The following AHNAK2 variants were observed in gnomAD, a reference collection of about 807,000 sequenced individuals.
The protein encoded by AHNAK2 is AHNAK nucleoprotein 2.
A neutral mutation model predicts 30.7 loss-of-function variants in AHNAK2; 18 were observed. The observed-to-expected ratio is 0.59, with a 90% CI of 0.41 to 0.87. AHNAK2 has a LOEUF of 0.87. AHNAK2 is among the 40% of genes least tolerant of loss of function. The pLI is 0.00. For missense variants in AHNAK2, 8,604 were observed against 7,373.0 expected (o/e 1.17, Z -6.11); for synonymous variants, 3,590 against 3,073.8 (o/e 1.17, Z -5.56).
chr14:104,946,968 G>A lies in AHNAK2; in HGVS notation c.8483C>T (p.Pro2828Leu), dbSNP rs371930751. The A allele has an allele frequency of 5.6e-6, 9 of 1,612,632 alleles. No individual in the cohort carries two copies. The highest frequency in any genetic ancestry group is 5.5e-5 in the South Asian group (5 of 91,012). ...FKMPSFGVSA[P>L]GKSIEASVDV... The stretch of plus-strand genomic sequence containing the variant: ...CACCGAGGCCTCGATGGACTTGCCT[G>A]GGGCCGACACCCCGAATGACGGCAT... The change falls in exon 7 of 7, where the codon CCA becomes CTA. Residue 2828 changes from proline to leucine, a missense_variant. Coordinates refer to ENST00000333244, the MANE Select transcript of AHNAK2 (RefSeq NM_138420.4).
At position 104,966,323 on chromosome 14, in the gene AHNAK2, C is replaced by A. The variant is rs928495744; in HGVS notation, c.56-8651G>T. ...ACCTCCGTTTCCCCCACCTGCCAAA[C>A]CAGCCTTGCCCACGGTGTCAGCCCA... is the stretch of plus-strand genomic sequence containing the variant. On this transcript the variant is annotated intron_variant, in intron 1 of 6. Coordinates refer to ENST00000333244, the MANE Select transcript of AHNAK2 (RefSeq NM_138420.4). This position sits in a 1 kb window ranked among gnomAD's most constrained non-coding sequence, Gnocchi z 4.3. Among the ~76,000 whole-genome samples, 8 of 152,104 alleles carry A rather than the reference C, an allele frequency of 5.3e-5. No individual in the cohort carries two copies. Among genetic ancestry groups the A allele is most frequent in the African/African-American group, 9.7e-5 (4 of 41,412 alleles).
chr14:104,956,596 G>A lies in AHNAK2; in HGVS notation c.307C>T (p.Arg103Cys), dbSNP rs1566922141. The A allele has an allele frequency of 1.9e-6, 3 of 1,613,810 alleles. No homozygotes were observed. The highest frequency in any genetic ancestry group is 1.7e-6 in the Non-Finnish European group (2 of 1,179,842). ...GDSRTFFRMS[R>C]PEAVQEATEV... The stretch of plus-strand genomic sequence containing the variant: ...GCTCCTGCTGTACCCACCTCTGGAC[G>A]ACTCATCCTGAAAAATGTCCGTGAG... Residue 103 changes from arginine (R) to cysteine (C), a missense_variant, in exon 4 of 7, where the codon CGT becomes TGT. Coordinates refer to ENST00000333244, the MANE Select transcript of AHNAK2 (RefSeq NM_138420.4).
Position 104,947,010 on chromosome 14 carries a change from T to C in AHNAK2, c.8441A>G (p.Lys2814Arg). The change falls in exon 7 of 7, where the codon AAA becomes AGA. Residue 2814 changes from lysine to arginine, a missense_variant. By Grantham distance (26) the Lys-to-Arg change is conservative. Coordinates refer to ENST00000333244, the MANE Select transcript of AHNAK2 (RefSeq NM_138420.4). ...TGACGGCATCTTGAACTTGGGCATT[T>C]TGAACTTGCTGTCTTTGGCTGTCAT... is the stretch of plus-strand genomic sequence containing the variant. Reference protein sequence around the residue: ...KGMTAKDSKFKMPKFKMPSFG... With the variant: ...KGMTAKDSKFRMPKFKMPSFG... The C allele has an allele frequency of 2.5e-6, 4 of 1,612,138 alleles. No individual in the cohort carries two copies. Among genetic ancestry groups the C allele is most frequent in the African/African-American group, 2.7e-5 (2 of 74,162 alleles).
chr14:104,950,311 C>G lies in AHNAK2; in HGVS notation c.5140G>C (p.Asp1714His), dbSNP rs550305346. The change falls in exon 7 of 7, where the codon GAC becomes CAC. Residue 1714 changes from aspartate to histidine, a missense_variant. Physicochemically the swap from Asp to His is moderately conservative, Grantham distance 81 (BLOSUM62 -1). Coordinates refer to ENST00000333244, the MANE Select transcript of AHNAK2 (RefSeq NM_138420.4). Reference protein sequence around the residue: ...TDLSIQSPSADLEVQAGQVNV... With the variant: ...TDLSIQSPSAHLEVQAGQVNV... ...ACTTGGCCAGCCTGGACCTCCAGGT[C>G]GGCGGAAGGGGACTGAATGCTGAGG... The G allele has an allele frequency of 2.2e-5, 35 of 1,585,018 alleles. 2 individuals carry two copies. In the Middle Eastern group the frequency reaches 5.0e-4, roughly 23 times the overall value.
At chr14:104,959,107 C>T (rs998881412) in intron 1 of AHNAK2, among the ~76,000 whole-genome samples, 2 of 152,024 alleles carry the variant, frequency 1.3e-5, no homozygotes, top group African/African-American at 2.4e-5. Context: ...GGCTGAAGTG[C>T]GAGGATTGCT....
Position 104,941,663 on chromosome 14 carries a change from C to T in AHNAK2, c.13788G>A (p.Thr4596=), listed in dbSNP as rs141304169. 1.8e-4 allele frequency: 298 copies of T among 1,613,660 alleles called. 1 individual carries two copies. The African/African-American group carries it at 3.3e-3, about 18-fold the overall frequency. The change falls in exon 7 of 7, where the codon ACG becomes ACA. Residue 4596 remains threonine (T), a synonymous_variant. Transcript: ENST00000333244. ...DVEVSLPSVE[T]DVQAPGSMLD... ...GCATGGATCCTGGGGCCTGGACATC[C>T]GTCTCCACGCTGGGCAGAGACACCT...
chr14:104,968,721 C>T (rs1406914966), intron 1 of AHNAK2, among the ~76,000 whole-genome samples: 4 of 152,198 alleles, frequency 2.6e-5, no homozygotes, highest in African/African-American at 7.2e-5. Context: ...CTCCAGTGGC[C>T]GGAAAAGTCC....
chr14:104,938,226 G>A lies in AHNAK2; in HGVS notation c.17225C>T (p.Pro5742Leu), dbSNP rs1393428810. The A allele has an allele frequency of 6.2e-7, 1 of 1,613,852 alleles. No homozygotes were observed. The change falls in exon 7 of 7, where the codon CCT becomes CTT. Residue 5742 changes from proline (P) to leucine (L), a missense_variant. Physicochemically the swap from Pro to Leu is moderately conservative, Grantham distance 98 (BLOSUM62 -3). Coordinates refer to ENST00000333244, the MANE Select transcript of AHNAK2 (RefSeq NM_138420.4). ...TFFDARESFS[P>L]EEKEEGELIG... ...CAGTTCACCCTCTTCCTTCTCTTCA[G>A]GGGAGAAACTTTCTCGGGCATCAAA...
rs1270151201 is a variant in AHNAK2, at chr14:104,943,233, A to G, written c.12218T>C (p.Val4073Ala). Residue 4073 changes from valine to alanine, a missense_variant, in exon 7 of 7, where the codon GTT (valine) becomes GCT (alanine). Transcript: ENST00000333244. ...TTTCAGGTCCAGCTTGGGGCCCTTA[A>G]CATCTATCTGGGGGCCCTTGAGGTC... is the stretch of plus-strand genomic sequence containing the variant. Reference protein sequence around the residue: ...KVDLKGPQIDVKGPKLDLKGP... With the variant: ...KVDLKGPQIDAKGPKLDLKGP... The G allele has an allele frequency of 6.2e-7, 1 of 1,612,170 alleles. No homozygotes were observed. Among genetic ancestry groups the G allele is most frequent in the Non-Finnish European group, 8.5e-7 (1 of 1,179,362 alleles).
chr14:104,960,636 G>C (rs1021786052), intron 1 of AHNAK2, among the ~76,000 whole-genome samples: 8 of 152,190 alleles, frequency 5.3e-5, no homozygotes, highest in African/African-American at 1.4e-4. Flanking sequence ...CTGGGGCTGG[G>C]AGTGGGAAGG....
In AHNAK2 at chr14:104,950,678, G is replaced by A; in HGVS notation, c.4773C>T (p.Leu1591=). Residue 1591 remains leucine (L), a synonymous_variant, in exon 7 of 7, where the codon CTC becomes CTT. Coordinates refer to ENST00000333244, the MANE Select transcript of AHNAK2 (RefSeq NM_138420.4). The part of the protein sequence containing the change: ...MPSFKMPKVD[L]KGPQIDVKGP... ...CCTTAACATCTATCTGGGGCCCCTTGAGGTCCACTTTGGGCATCTTGAAAC... is the reference window on the plus strand; with the variant it reads ...CCTTAACATCTATCTGGGGCCCCTTAAGGTCCACTTTGGGCATCTTGAAAC... 6.3e-7 allele frequency: 1 copy of A among 1,587,618 alleles called. No individual in the cohort carries two copies. The highest frequency in any genetic ancestry group is 8.6e-7 in the Non-Finnish European group (1 of 1,162,790).
chr14:104,938,868 G>A lies in AHNAK2; in HGVS notation c.16583C>T (p.Pro5528Leu). ...TGTGTACACTCTAGCCTGCGTGTGG[G>A]GCTCTGGGATTTTCACTTTTAATAA... ...FSLLKVKIPE[P>L]HTQARVYTTM... is the part of the protein sequence containing the mutation. Residue 5528 changes from proline (P) to leucine (L), a missense_variant, in exon 7 of 7, where the codon CCC becomes CTC. Transcript: ENST00000333244. 1 of 1,613,798 alleles carries A rather than the reference G, an allele frequency of 6.2e-7. No homozygotes were observed. Among genetic ancestry groups the A allele is most frequent in the Non-Finnish European group, 8.5e-7 (1 of 1,179,880 alleles).
rs1331853661 is a variant in AHNAK2 at position 104,953,178 on chromosome 14, A to G, written c.2273T>C (p.Leu758Pro). Residue 758 changes from leucine (L) to proline (P), a missense_variant, in exon 7 of 7, where the codon CTG becomes CCG. Transcript: ENST00000333244. Reference protein sequence around the residue: ...LPEGASLKGHLPKVQRPSLKM... With the variant: ...LPEGASLKGHPPKVQRPSLKM... Reference sequence around the variant, plus strand: ...CAAACTGGGCCTCTGCACCTTGGGCAGGTGCCCTTTGAGGCTGGCTCCCTC... The same window carrying G: ...CAAACTGGGCCTCTGCACCTTGGGCGGGTGCCCTTTGAGGCTGGCTCCCTC... 11 of 1,613,076 alleles carry G rather than the reference A, an allele frequency of 6.8e-6. No homozygotes were observed. In the Admixed American group the frequency reaches 1.8e-4, roughly 27 times the overall value.
intron 2 of AHNAK2, 34 bp downstream of exon 2, chr14:104,957,580 T>C (rs1899015735): frequency 6.2e-7 from 1 of 1,604,736 alleles, no homozygotes; most frequent in South Asian, 1.1e-5. Flanking sequence ...GGGCAGGGTA[T>C]GAGGAGGACA....
At chr14:104,978,039 G>A in intron 1 of AHNAK2, 144 bp downstream of exon 1, 1 of 614,674 alleles carries the variant, frequency 1.6e-6, no homozygotes, top group Non-Finnish European at 2.3e-6. Context: ...GGAAGGCCCA[G>A]AACCACGCGC....
chr14:104,946,129 C>T lies in AHNAK2; in HGVS notation c.9322G>A (p.Gly3108Ser), dbSNP rs376530085. 1.4e-4 allele frequency: 223 copies of T among 1,609,612 alleles called. 1 individual carries two copies. In the African/African-American group the frequency reaches 1.7e-3, roughly 12 times the overall value. Reference sequence around the variant, plus strand: ...GGGGCCTCGACATCCACCTCCATGCCGGGCTGAGACACCTCCACGTCGGGG... The same window carrying T: ...GGGGCCTCGACATCCACCTCCATGCTGGGCTGAGACACCTCCACGTCGGGG... The part of the protein sequence containing the change: ...TAPDVEVSQP[G>S]MEVDVEAPGA... The change falls in exon 7 of 7, where the codon GGC (glycine) becomes AGC (serine). Residue 3108 changes from glycine (G) to serine (S), a missense_variant. Coordinates refer to ENST00000333244, the MANE Select transcript of AHNAK2 (RefSeq NM_138420.4).
chr14:104,957,421 A>G lies in AHNAK2; in HGVS notation c.202T>C (p.Phe68Leu), dbSNP rs943533671. 2 of 1,586,704 alleles carry G rather than the reference A, an allele frequency of 1.3e-6. No homozygotes were observed. Among genetic ancestry groups the G allele is most frequent in the African/African-American group, 2.7e-5 (2 of 74,438 alleles). The change falls in exon 3 of 7, where the codon TTT becomes CTT. Residue 68 changes from phenylalanine (F) to leucine (L), a missense_variant. By Grantham distance (22) the Phe-to-Leu change is conservative. Transcript: ENST00000333244. ...VYEYTTEAAD[F>L]GLQEDAPGRQ... ...CCCAGCAGGCTCACCTGGAGTCCAA[A>G]GTCGGCAGCCTCAGTCGTGTATTCG...
At position 104,940,974 on chromosome 14, in the gene AHNAK2, T is replaced by A. The variant is rs770948957; in HGVS notation, c.14477A>T (p.Glu4826Val). The change falls in exon 7 of 7, where the codon GAG (glutamate) becomes GTG (valine). Residue 4826 changes from glutamate to valine, a missense_variant. By Grantham distance (121) the Glu-to-Val change is moderately radical (BLOSUM62 -2). Coordinates refer to ENST00000333244, the MANE Select transcript of AHNAK2 (RefSeq NM_138420.4). The surrounding 1 kb of genome is among the most constrained non-coding windows in gnomAD (Gnocchi z 4.4). ...SQADIPLPKT[E>V]CSTDLQPPEG... is the part of the protein sequence containing the mutation. The stretch of plus-strand genomic sequence containing the variant: ...TGGAGGCTGCAGGTCAGTGGAGCAC[T>A]CTGTCTTGGGAAGAGGAATATCAGC... 1 of 1,613,238 alleles carries A rather than the reference T, an allele frequency of 6.2e-7. No individual in the cohort carries two copies.
rs150245467 is a variant in AHNAK2 at position 104,948,452 on chromosome 14, A to T, written c.6999T>A (p.Leu2333=). 3,770 of 1,607,306 alleles carry T rather than the reference A, an allele frequency of 2.3e-3. 16 individuals are homozygous for T. Among genetic ancestry groups the T allele is most frequent in the African/African-American group, 5.5e-3 (398 of 72,878 alleles). The change falls in exon 7 of 7, where the codon CTT becomes CTA. Residue 2333 remains leucine, a synonymous_variant. Transcript: ENST00000333244. The part of the protein sequence containing the change: ...FKMLSFGVSA[L]GKSIEASADV... ...CCGCTGAGGCCTCGATGGACTTGCCAAGGGCAGACACCCCAAACGACAGCA... is the reference window on the plus strand; with the variant it reads ...CCGCTGAGGCCTCGATGGACTTGCCTAGGGCAGACACCCCAAACGACAGCA...
Sources: gnomAD v4.1 joint callset for allele counts (sites outside exome capture counted in the v4.1 genomes callset) on GRCh38, gnomAD v4.1.1 for gene constraint, Gnocchi (gnomAD v3.1) non-coding constraint, MANE v1.5 for transcripts, NCBI Gene and HGNC (gene_info 2026-07-23, HGNC 2026-07-21) for gene names.